Variants in SGCZ observed in about 807,000 individuals in gnomAD.
SGCZ encodes sarcoglycan zeta.
Under a neutral mutation model 41.3 loss-of-function variants are expected in SGCZ, and 40 were observed. The ratio of observed to expected loss-of-function variants is 0.97; its 90% CI spans 0.75 to 1.26. The LOEUF (loss-of-function observed/expected upper bound fraction) is 1.26, where lower values mean the gene tolerates loss of function less well. SGCZ is among the 50% of genes most tolerant of loss of function. The pLI is 0.00. For synonymous variants in SGCZ, 206 were observed against 137.5 expected (o/e 1.50, Z -3.49); for missense variants, 552 against 369.8 (o/e 1.49, Z -4.04).
At chr8:14,881,894 A>C (rs7843722) in intron 1 of SGCZ, among the ~76,000 whole-genome samples, 9,913 of 152,252 alleles carry the variant, frequency 0.065, 1,005 homozygotes, top group African/African-American at 0.21. Flanking sequence ...TCATAGCGCA[A>C]TCAAATTAGA....
chr8:14,722,900 C>T (rs1391720853), intron 1 of SGCZ, among the ~76,000 whole-genome samples: 1 of 152,018 alleles, frequency 6.6e-6, no homozygotes, highest in Admixed American at 6.6e-5. Context: ...ATTTCAACAA[C>T]AGTAAACAAA....
At chr8:14,176,801 T>C (rs1344436465) in intron 4 of SGCZ, among the ~76,000 whole-genome samples, 3 of 152,134 alleles carry the variant, frequency 2.0e-5, no homozygotes, top group African/African-American at 7.2e-5. Context: ...AACTGTCTCA[T>C]TGCTAAACCA....
rs6982655 is a variant in SGCZ at position 14,585,691 on chromosome 8, G to C, written c.40-30765C>G. ...TTACAATTGAAATTAATGTTACAGA[G>C]TTCAAACATTAACAAAAAATATATA... On this transcript the variant is annotated intron_variant, in intron 1 of 7. Coordinates refer to ENST00000382080, the MANE Select transcript of SGCZ (RefSeq NM_139167.4). Among the ~76,000 whole-genome samples the C allele has an allele frequency of 8.4e-3, 1,280 of 152,156 alleles. 14 individuals are homozygous for C. The highest frequency in any genetic ancestry group is 0.029 in the African/African-American group (1,221 of 41,528).
chr8:15,061,940 G>T (rs543460480), intron 1 of SGCZ, among the ~76,000 whole-genome samples: 2 of 152,158 alleles, frequency 1.3e-5, no homozygotes, highest in Non-Finnish European at 2.9e-5. Context: ...CCAGTATCTA[G>T]CTGATTTTTG....
intron 5 of SGCZ, among the ~76,000 whole-genome samples, chr8:14,132,831 T>C (rs1427442562): frequency 6.6e-6 from 1 of 152,214 alleles, no homozygotes; most frequent in Admixed American, 6.5e-5. Context: ...CGAATTGTGC[T>C]GGTTTTTGTT....
intron 4 of SGCZ, among the ~76,000 whole-genome samples, chr8:14,183,773 G>A (rs1804810967): frequency 1.3e-5 from 2 of 152,110 alleles, no homozygotes; most frequent in Non-Finnish European, 1.5e-5. Context: ...AGAAAACAAT[G>A]CCTATTGTTA....
chr8:14,494,250 G>C (rs1330806263), intron 2 of SGCZ, among the ~76,000 whole-genome samples: 1 of 152,112 alleles, frequency 6.6e-6, no homozygotes, highest in African/African-American at 2.4e-5. Context: ...TTCAGAGCCT[G>C]TCTCTCTCAA....
At chr8:14,985,188 G>A (rs1451280659) in intron 1 of SGCZ, among the ~76,000 whole-genome samples, 1 of 152,098 alleles carries the variant, frequency 6.6e-6, no homozygotes, top group Non-Finnish European at 1.5e-5. Flanking sequence ...CTTCCTAGAT[G>A]AGCAAATTTT....
intron 4 of SGCZ, among the ~76,000 whole-genome samples, chr8:14,174,687 T>C (rs1230495690): frequency 6.6e-6 from 1 of 152,116 alleles, no homozygotes; most frequent in Non-Finnish European, 1.5e-5. Context: ...GACCTCTCAA[T>C]ATGAAACGGA....
At chr8:14,224,646 T>C (rs1261191845) in intron 4 of SGCZ, among the ~76,000 whole-genome samples, 1 of 152,150 alleles carries the variant, frequency 6.6e-6, no homozygotes, top group Non-Finnish European at 1.5e-5. Flanking sequence ...TTCATATCTG[T>C]GGAAGGTCTG....
intron 1 of SGCZ, among the ~76,000 whole-genome samples, chr8:14,842,940 C>T (rs904717189): frequency 5.3e-5 from 8 of 152,106 alleles, no homozygotes; most frequent in African/African-American, 1.2e-4. Context: ...TGCCTGGGCA[C>T]GGTGGCTCAT....
chr8:14,855,724 C>G (rs79109362), intron 1 of SGCZ, among the ~76,000 whole-genome samples: 1 of 152,130 alleles, frequency 6.6e-6, no homozygotes, highest in Non-Finnish European at 1.5e-5. Context: ...CCCAGAAATA[C>G]TCTCCCTTCA....
chr8:14,417,768 T>A (rs933373689), intron 2 of SGCZ, among the ~76,000 whole-genome samples: 2 of 148,950 alleles, frequency 1.3e-5, no homozygotes, highest in African/African-American at 4.9e-5. Flanking sequence ...GATAGATATG[T>A]AATTAATTTG....
intron 1 of SGCZ, among the ~76,000 whole-genome samples, chr8:15,012,764 T>C (rs1452957105): frequency 6.8e-6 from 1 of 148,088 alleles, no homozygotes; most frequent in Non-Finnish European, 1.5e-5. Context: ...TGTTTATATA[T>C]AAATGTAGGT....
intron 1 of SGCZ, among the ~76,000 whole-genome samples, chr8:15,090,828 T>G (rs1291461055): frequency 6.6e-6 from 1 of 152,174 alleles, no homozygotes; most frequent in Non-Finnish European, 1.5e-5. Flanking sequence ...AGTGAAAGGT[T>G]GCCCAGTTAA....
Position 15,104,064 on chromosome 8 carries a change from C to A in SGCZ, c.39+133521G>T, listed in dbSNP as rs551499195. On this transcript the variant is annotated intron_variant, in intron 1 of 7. Coordinates refer to ENST00000382080, the MANE Select transcript of SGCZ (RefSeq NM_139167.4). ...TAGACAACCATATTTGATGCCCAAA[C>A]GAACCTTTCTCACGTTTCTGTAAAA... Among the ~76,000 whole-genome samples the A allele has an allele frequency of 5.9e-5, 9 of 152,272 alleles. No individual in the cohort carries two copies. In the East Asian group the frequency reaches 1.4e-3, roughly 23 times the overall value.
At chr8:15,043,866 T>C (rs1804203432) in intron 1 of SGCZ, among the ~76,000 whole-genome samples, 1 of 152,082 alleles carries the variant, frequency 6.6e-6, no homozygotes, top group Non-Finnish European at 1.5e-5. Flanking sequence ...GTAGAATTCC[T>C]TTCTTCAGTT....
At chr8:14,969,426 C>T (rs6530818) in intron 1 of SGCZ, among the ~76,000 whole-genome samples, 78,885 of 151,672 alleles carry the variant, frequency 0.52, 21,700 homozygotes, top group African/African-American at 0.7. Context: ...TGGAAAGCTT[C>T]GACATATCTA....
intron 5 of SGCZ, among the ~76,000 whole-genome samples, chr8:14,119,550 T>A (rs1802633211): frequency 6.6e-6 from 1 of 152,164 alleles, no homozygotes. Flanking sequence ...ACACATTCTT[T>A]CTTTCTTGTG....
Sources: allele counts gnomAD v4.1 joint callset (sites outside exome capture counted in the v4.1 genomes callset), GRCh38; gene constraint gnomAD v4.1.1; transcripts MANE v1.5; gene names NCBI Gene and HGNC (gene_info 2026-07-23, HGNC 2026-07-21).